Variants in TRAF3IP2 observed in about 807,000 individuals in gnomAD.
TRAF3IP2 encodes the protein E3 ubiquitin ligase TRAF3IP2.
TRAF3IP2 carries 35 observed loss-of-function variants against 57.9 expected under a neutral mutation model. The observed-to-expected ratio is 0.60, with a 90% confidence interval of 0.46 to 0.80. The LOEUF (loss-of-function observed/expected upper bound fraction) is 0.80. Ranked by LOEUF, TRAF3IP2 falls within the 30% of genes least tolerant of loss-of-function variation. The pLI is 0.00. For missense variants in TRAF3IP2, 556 were observed against 706.4 expected, an observed-to-expected ratio of 0.79 and a Z score of 2.41; for synonymous variants, 251 against 268.9, an observed-to-expected ratio of 0.93 and a Z score of 0.65.
chr6:111,593,110 A>T (rs533120205), intron 1 of TRAF3IP2, among the ~76,000 whole-genome samples: 6 of 152,376 alleles, frequency 3.9e-5, no homozygotes, highest in African/African-American at 1.4e-4. Flanking sequence ...AACGCAGTCC[A>T]GAGGACTGCA....
intron 1 of TRAF3IP2, 42 bp from the exon 2 acceptor site, chr6:111,592,136 A>G (rs1338364276): frequency 2.6e-6 from 4 of 1,540,108 alleles, no homozygotes; most frequent in Non-Finnish European, 3.5e-6. Flanking sequence ...GAAGACAGAT[A>G]AATTCTTGGA....
chr6:111,594,611 TC>T (rs1159291997), intron 1 of TRAF3IP2: 1 of 401,132 alleles, frequency 2.5e-6, no homozygotes, highest in Non-Finnish European at 5.0e-6. Flanking sequence ...TGGTGGGAAT[TC>T]TTCAGTTAAA....
At chr6:111,589,779 GT>G (rs1378062008) in intron 2 of TRAF3IP2, among the ~76,000 whole-genome samples, 2 of 151,638 alleles carry the variant, frequency 1.3e-5, no homozygotes, top group Non-Finnish European at 2.9e-5. Context: ...TCTCCTCTTT[GT>G]TTTTTTCTTT....
intron 2 of TRAF3IP2, among the ~76,000 whole-genome samples, chr6:111,581,277 G>C (rs3777911): frequency 0.34 from 51,694 of 152,080 alleles, 9,633 homozygotes; most frequent in African/African-American, 0.5. Context: ...AGGCCCAAAG[G>C]GGGTAAGGTG....
intron 1 of TRAF3IP2, chr6:111,601,401 C>CA (rs1488407814): frequency 6.1e-6 from 3 of 491,020 alleles, no homozygotes; most frequent in African/African-American, 5.8e-5. Flanking sequence ...AACTGGTTGA[C>CA]AGAGCACCAA....
chr6:111,580,361 G>A lies in TRAF3IP2; in HGVS notation c.858C>T (p.Tyr286=). The A allele has an allele frequency of 6.3e-7, 1 of 1,577,708 alleles. No homozygotes were observed. The highest frequency in any genetic ancestry group is 1.8e-4 in the Middle Eastern group (1 of 5,636). ...GCAGAGCCGGCTGGATCACTTGCTG[G>A]TAGGCTGCTCGAGGGTAGTCATGGC... ...PYGHDYPRAA[Y]QQVIQPALPG... is the part of the protein sequence containing the mutation. Residue 286 remains tyrosine, a synonymous_variant, in exon 3 of 9, where the codon TAC becomes TAT. Transcript: ENST00000368761.
chr6:111,569,503 G>A (rs1795760941), intron 5 of TRAF3IP2, among the ~76,000 whole-genome samples: 1 of 152,176 alleles, frequency 6.6e-6, no homozygotes, highest in Non-Finnish European at 1.5e-5. Flanking sequence ...TGTAATCCCA[G>A]CACTTTGGGA....
At chr6:111,574,823 A>G (rs1326843646) in intron 4 of TRAF3IP2, 2 of 152,240 alleles carry the variant, frequency 1.3e-5, no homozygotes, top group Admixed American at 6.5e-5. Context: ...TTTGAGTGTT[A>G]CTAGTGGTGT....
At chr6:111,605,320 T>C (rs1796986151) in intron 1 of TRAF3IP2, among the ~76,000 whole-genome samples, 1 of 152,214 alleles carries the variant, frequency 6.6e-6, no homozygotes, top group Non-Finnish European at 1.5e-5. Flanking sequence ...CTGTTGATTT[T>C]TTTCCCCCCT....
intron 1 of TRAF3IP2, among the ~76,000 whole-genome samples, chr6:111,595,907 C>T (rs558814290): frequency 6.6e-6 from 1 of 152,212 alleles, no homozygotes; most frequent in East Asian, 1.9e-4. Context: ...TTCTTCCTAC[C>T]TTCAAGTTGC....
intron 1 of TRAF3IP2, among the ~76,000 whole-genome samples, chr6:111,604,893 C>A (rs1336665392): frequency 6.6e-6 from 1 of 152,126 alleles, no homozygotes. Context: ...CTGGGACTAT[C>A]CTGGCTTTGT....
chr6:111,572,367 AC>A (rs1795857175), intron 5 of TRAF3IP2, among the ~76,000 whole-genome samples: 1 of 152,144 alleles, frequency 6.6e-6, no homozygotes, highest in Admixed American at 6.5e-5. Context: ...GGCCAGTATC[AC>A]CCATCCAGAA....
In TRAF3IP2 at chr6:111,591,741, G is replaced by A; in HGVS notation, c.346C>T (p.Pro116Ser). The A allele has an allele frequency of 6.2e-7, 1 of 1,614,194 alleles. No homozygotes were observed. Among genetic ancestry groups the A allele is most frequent in the Non-Finnish European group, 8.5e-7 (1 of 1,180,036 alleles). ...FPSGCSAVSE[P>S]ASESVVGALP... ...GCTCCAACCACAGACTCAGACGCAGGCTCGCTGACTGCAGAGCACCCAGAA... is the reference window on the plus strand; with the variant it reads ...GCTCCAACCACAGACTCAGACGCAGACTCGCTGACTGCAGAGCACCCAGAA... The change falls in exon 2 of 9, where the codon CCT becomes TCT. Residue 116 changes from proline (P) to serine (S), a missense_variant. By Grantham distance (74) the Pro-to-Ser change is moderately conservative (BLOSUM62 -1). Transcript: ENST00000368761. This position sits in a 1 kb window ranked among gnomAD's most constrained non-coding sequence, Gnocchi z 4.9.
rs559178672 is a variant in TRAF3IP2 at position 111,587,385 on chromosome 6, T to A, written c.829+3873A>T. Among the ~76,000 whole-genome samples the A allele has an allele frequency of 2.0e-5, 3 of 152,012 alleles. No individual in the cohort carries two copies. The South Asian group carries it at 6.2e-4, about 32-fold the overall frequency. The stretch of plus-strand genomic sequence containing the variant: ...ATTCTCATGCCTCAGCCTCCCCGAG[T>A]AGCTGGGATTACAGGTGCCCACCAC... On this transcript the variant is annotated intron_variant, in intron 2 of 8. Coordinates refer to ENST00000368761, the MANE Select transcript of TRAF3IP2 (RefSeq NM_147686.4).
chr6:111,583,733 C>T (rs1313991289), intron 2 of TRAF3IP2, among the ~76,000 whole-genome samples: 1 of 152,144 alleles, frequency 6.6e-6, no homozygotes, highest in Non-Finnish European at 1.5e-5. Flanking sequence ...AAATGTAATG[C>T]ACTTGAATCA....
chr6:111,567,648 T>C lies in TRAF3IP2; in HGVS notation c.1335A>G (p.Lys445=), dbSNP rs768862486. Reference sequence around the variant, plus strand: ...CATCCCTAAGGTAGCGCTCCATCCATTTAATGATATCAATGCCTCGGATTC... The same window carrying C: ...CATCCCTAAGGTAGCGCTCCATCCACTTAATGATATCAATGCCTCGGATTC... ...EDRIRGIDII[K]WMERYLRDKT... The change falls in exon 6 of 9, where the codon AAA becomes AAG. Residue 445 remains lysine (K), a synonymous_variant. Transcript: ENST00000368761. 1.2e-6 allele frequency: 2 copies of C among 1,610,522 alleles called. No homozygotes were observed. Among genetic ancestry groups the C allele is most frequent in the Non-Finnish European group, 1.7e-6 (2 of 1,178,716 alleles).
chr6:111,599,743 C>G (rs1796808800), intron 1 of TRAF3IP2: 1 of 152,280 alleles, frequency 6.6e-6, no homozygotes, highest in Admixed American at 6.5e-5. Flanking sequence ...ATCATGCCTG[C>G]CTCCCTTTCT....
Position 111,582,168 on chromosome 6 carries a change from G to A in TRAF3IP2, c.830-1779C>T, listed in dbSNP as rs546210710. 2.6e-5 allele frequency among the ~76,000 whole-genome samples: 4 copies of A among 152,292 alleles called. No individual in the cohort carries two copies. The South Asian group carries it at 8.3e-4, about 32-fold the overall frequency. On this transcript the variant is annotated intron_variant, in intron 2 of 8. Transcript: ENST00000368761. ...CAGGAAACTGTTTGGGTGACCTGGC[G>A]ATGTGCCCAAGCTAGTCTCTCAAGT...
At chr6:111,571,170 G>A (rs2128373508) in intron 5 of TRAF3IP2, among the ~76,000 whole-genome samples, 1 of 151,788 alleles carries the variant, frequency 6.6e-6, no homozygotes, top group South Asian at 2.1e-4. Flanking sequence ...TCACCTCCAG[G>A]GTTCAAGCAA....
Sources: gnomAD v4.1 joint callset for allele counts (sites outside exome capture counted in the v4.1 genomes callset) on GRCh38, gnomAD v4.1.1 for gene constraint, Gnocchi (gnomAD v3.1) non-coding constraint, MANE v1.5 for transcripts, NCBI Gene and HGNC (gene_info 2026-07-23, HGNC 2026-07-21) for gene names.